ABCC9: variants seen among roughly 807,000 people sequenced by gnomAD.
The protein encoded by ABCC9 is ATP-binding cassette sub-family C member 9.
A neutral mutation model predicts 188.3 loss-of-function variants in ABCC9; 95 were observed. The observed-to-expected ratio is 0.50, with a 90% CI of 0.43 to 0.60. ABCC9 has a LOEUF of 0.60. ABCC9 is among the 20% of genes least tolerant of loss of function. The pLI is 0.00. For synonymous variants in ABCC9, 659 were observed against 652.7 expected, an observed-to-expected ratio of 1.01 and a Z score of -0.15; for missense variants, 1,102 against 1,876.3, an observed-to-expected ratio of 0.59 and a Z score of 7.62.
In ABCC9 at chr12:21,818,534, G is replaced by A. The variant is rs1000416608; in HGVS notation, c.3670-283C>T. Among the ~76,000 whole-genome samples the A allele has an allele frequency of 5.5e-3, 785 of 143,754 alleles. 8 individuals carry two copies. The highest frequency in any genetic ancestry group is 0.02 in the African/African-American group (745 of 38,098). The allele number at this position is 143,754 out of a possible 152,430, so 94.3% of individuals were successfully genotyped here. On this transcript the variant is annotated intron_variant, in intron 31 of 39. Transcript: ENST00000261200. ...TATATAGATATATATATATGTGTGTGTGTGTGTGTGTGTGTGTGTGTGTGT... is the reference window on the plus strand; with the variant it reads ...TATATAGATATATATATATGTGTGTATGTGTGTGTGTGTGTGTGTGTGTGT...
intron 39 of ABCC9, among the ~76,000 whole-genome samples, chr12:21,804,258 G>A (rs190259053): frequency 1.8e-4 from 28 of 152,314 alleles, no homozygotes; most frequent in African/African-American, 5.8e-4. Context: ...AACCTAATTA[G>A]GAAACCTAAC....
intron 24 of ABCC9, among the ~76,000 whole-genome samples, chr12:21,850,290 G>GAAATCTGTTTGTAC (rs1321275077): frequency 7.9e-5 from 12 of 151,956 alleles, no homozygotes; most frequent in Non-Finnish European, 1.5e-4. Flanking sequence ...AAAGTAAACC[G>GAAATCTGTTTGTAC]AAATCTGTTT....
In ABCC9 at chr12:21,806,459, CT is replaced by C. The variant is rs1941853139; in HGVS notation, c.4450-400del. 2.0e-5 allele frequency among the ~76,000 whole-genome samples: 3 copies of C among 152,128 alleles called. No homozygotes were observed. In the South Asian group the frequency reaches 6.2e-4, roughly 31 times the overall value. On this transcript the variant is annotated intron_variant, in intron 38 of 39. Transcript: ENST00000261200. ...CTAAAATTGATGCCAAAAATTTGGA[CT>C]TTGACACATAAATGGACATTCTAGG...
Position 21,845,909 on chromosome 12 carries a change from T to C in ABCC9, c.2867-77A>G, listed in dbSNP as rs952514692. The C allele has an allele frequency of 2.9e-6, 3 of 1,042,490 alleles. No individual in the cohort carries two copies. The Admixed American group carries it at 5.8e-5, about 20-fold the overall frequency. 64.6% of individuals were successfully genotyped at this position (1,042,490 alleles called of 1,614,324 possible). On this transcript the variant is annotated intron_variant, in intron 25 of 39. Transcript: ENST00000261200. Reference sequence around the variant, plus strand: ...AATTTTTATTGCTCCACAAATAGTATATAAACATTCATACATTTATAAAAA... The same window carrying C: ...AATTTTTATTGCTCCACAAATAGTACATAAACATTCATACATTTATAAAAA...
At chr12:21,914,410 C>A (rs1396988870) in intron 7 of ABCC9, among the ~76,000 whole-genome samples, 5 of 152,032 alleles carry the variant, frequency 3.3e-5, no homozygotes, top group African/African-American at 1.2e-4. Flanking sequence ...AGGAAAAGTG[C>A]CAGAGGAAGC....
chr12:21,815,996 T>C, intron 33 of ABCC9, 103 bp from the exon 34 acceptor site: 1 of 651,268 alleles, frequency 1.5e-6, no homozygotes. Context: ...TATATATATT[T>C]TTCTAAATTT....
rs549970291 is a variant in ABCC9, at chr12:21,923,917, A to G, written c.406+2025T>C. On this transcript the variant is annotated intron_variant, in intron 5 of 39. Coordinates refer to ENST00000261200, the MANE Select transcript of ABCC9 (RefSeq NM_020297.4). Reference sequence around the variant, plus strand: ...GAAAAAACTATGATATAGTTATACAATGAAATGCAACAATAAGAAAATATT... The same window carrying G: ...GAAAAAACTATGATATAGTTATACAGTGAAATGCAACAATAAGAAAATATT... 3.8e-4 allele frequency: 254 copies of G among 668,274 alleles called. 5 individuals are homozygous for G. Among genetic ancestry groups the G allele is most frequent in the South Asian group, 3.2e-3 (192 of 60,212 alleles). The allele number at this position is 668,274 out of a possible 1,614,324, so 41.4% of individuals were successfully genotyped here.
intron 12 of ABCC9, among the ~76,000 whole-genome samples, chr12:21,905,210 G>C (rs890140267): frequency 1.4e-4 from 21 of 152,104 alleles, no homozygotes; most frequent in African/African-American, 4.6e-4. Flanking sequence ...TCATAGGTGG[G>C]AACTGAACAA....
chr12:21,928,339 G>GGAA (rs1259935175), intron 4 of ABCC9, among the ~76,000 whole-genome samples: 106 of 132,348 alleles, frequency 8.0e-4, no homozygotes, highest in African/African-American at 2.4e-3. Context: ...AAGGAAGGAA[G>GGAA]GGAAGAAAAA....
In ABCC9 at chr12:21,910,998, A is replaced by G; in HGVS notation, c.1012-20T>C. The G allele has an allele frequency of 6.2e-7, 1 of 1,611,278 alleles. No individual in the cohort carries two copies. Among genetic ancestry groups the G allele is most frequent in the Non-Finnish European group, 8.5e-7 (1 of 1,177,928 alleles). On this transcript the variant is annotated intron_variant, in intron 8 of 39. Coordinates refer to ENST00000261200, the MANE Select transcript of ABCC9 (RefSeq NM_020297.4). ...TGAAATCTGGTCCCCAAAGAAAAAA[A>G]GTGTCATATTAAAACTCGTCTTTTT...
At chr12:21,885,657 T>C (rs1172068803) in intron 15 of ABCC9, among the ~76,000 whole-genome samples, 2 of 152,162 alleles carry the variant, frequency 1.3e-5, no homozygotes, top group Non-Finnish European at 2.9e-5. Flanking sequence ...TGTCTTTGTG[T>C]CCATGTCCCC....
At chr12:21,809,769 G>A (rs1591942915) in intron 37 of ABCC9, 83 bp downstream of exon 37, 5 of 808,190 alleles carry the variant, frequency 6.2e-6, no homozygotes, top group African/African-American at 1.7e-5. Context: ...CTAAAGTTAT[G>A]TGATTATAGC....
intron 19 of ABCC9, 146 bp from the exon 20 acceptor site, chr12:21,863,200 G>T (rs1945609031): frequency 3.2e-6 from 2 of 624,820 alleles, no homozygotes; most frequent in Non-Finnish European, 5.6e-6. Flanking sequence ...AAAATTTAAA[G>T]ACCACCAACC....
chr12:21,862,390 C>G (rs770750485), intron 20 of ABCC9, among the ~76,000 whole-genome samples: 36 of 152,102 alleles, frequency 2.4e-4, no homozygotes, highest in Non-Finnish European at 4.3e-4. Context: ...CTCCCTCCCC[C>G]TTCCTCTTGC....
chr12:21,805,308 G>A lies in ABCC9; in HGVS notation c.4512+690C>T, dbSNP rs397517191. Reference sequence around the variant, plus strand: ...CCTGCATCCATAATAGAAGAGACACGGTGCTGGAGAGAAAAATAGAAAAGA... The same window carrying A: ...CCTGCATCCATAATAGAAGAGACACAGTGCTGGAGAGAAAAATAGAAAAGA... On this transcript the variant is annotated intron_variant, in intron 39 of 39. Transcript: ENST00000261200. The A allele has an allele frequency of 7.8e-5, 126 of 1,613,438 alleles. No individual in the cohort carries two copies. Among genetic ancestry groups the A allele is most frequent in the African/African-American group, 4.1e-4 (31 of 74,926 alleles).
chr12:21,840,056 T>G (rs77503705), intron 29 of ABCC9, among the ~76,000 whole-genome samples: 3,747 of 152,302 alleles, frequency 0.025, 144 homozygotes, highest in African/African-American at 0.085. Context: ...GCTTTGTTTA[T>G]AAAACTGTGT....
At chr12:21,827,952 T>G (rs1387092563) in intron 31 of ABCC9, among the ~76,000 whole-genome samples, 3 of 152,232 alleles carry the variant, frequency 2.0e-5, no homozygotes, top group Admixed American at 6.5e-5. Flanking sequence ...ACTCAGATTT[T>G]AATTTGGGCT....
chr12:21,927,146 A>G (rs561434081), intron 4 of ABCC9, among the ~76,000 whole-genome samples: 1 of 152,344 alleles, frequency 6.6e-6, no homozygotes, highest in South Asian at 2.1e-4. Flanking sequence ...ATGAAACAAT[A>G]CAACATGTTC....
chr12:21,852,568 T>C, intron 22 of ABCC9, 63 bp from the exon 23 acceptor site: 1 of 1,574,688 alleles, frequency 6.4e-7, no homozygotes, highest in African/African-American at 1.3e-5. Flanking sequence ...ACTCAATTCC[T>C]CTCGAAAATA....
Sources: gnomAD v4.1 joint callset for allele counts (sites outside exome capture counted in the v4.1 genomes callset) on GRCh38, gnomAD v4.1.1 for gene constraint, MANE v1.5 for transcripts, NCBI Gene and HGNC (gene_info 2026-07-23, HGNC 2026-07-21) for gene names.